The following MRC2 variants were observed in gnomAD, a reference collection of about 807,000 sequenced individuals.
MRC2 encodes the protein C-type mannose receptor 2.
In MRC2, 84 loss-of-function variants were observed where a neutral mutation model predicts 206.2. The ratio of observed to expected loss-of-function variants is 0.41; its 90% CI spans 0.34 to 0.49. MRC2 has a LOEUF of 0.49. MRC2 is among the 20% of genes least tolerant of loss of function. MRC2 has a pLI of 0.31. For missense variants in MRC2, 1,676 were observed against 2,001.5 expected, an observed-to-expected ratio of 0.84 and a Z score of 3.10; for synonymous variants, 798 against 800.0, an observed-to-expected ratio of 1.00 and a Z score of 0.04.
At chr17:62,640,275 T>G (rs2147435776) in intron 1 of MRC2, among the ~76,000 whole-genome samples, 1 of 152,236 alleles carries the variant, frequency 6.6e-6, no homozygotes, top group Non-Finnish European at 1.5e-5. Flanking sequence ...ATCTGTCCGT[T>G]TATTCATTCA....
intron 1 of MRC2, among the ~76,000 whole-genome samples, chr17:62,634,830 CTT>C (rs773204542): frequency 1.6e-4 from 23 of 140,482 alleles, no homozygotes; most frequent in Admixed American, 2.2e-4. Context: ...TCTGATACAA[CTT>C]TTTTTTTTTT....
rs980475654 is a variant in MRC2 at position 62,645,987 on chromosome 17, C to T, written c.118+18067C>T. Among the ~76,000 whole-genome samples, 2 of 150,932 alleles carry T rather than the reference C, an allele frequency of 1.3e-5. 1 individual carries two copies. Reference sequence around the variant, plus strand: ...GTGTGAGTGGACCATAACTTATCCCCTATTGGACATTTAGGTCATTTCTCT... The same window carrying T: ...GTGTGAGTGGACCATAACTTATCCCTTATTGGACATTTAGGTCATTTCTCT... On this transcript the variant is annotated intron_variant, in intron 1 of 29. Coordinates refer to ENST00000303375, the MANE Select transcript of MRC2 (RefSeq NM_006039.5).
chr17:62,659,368 C>A (rs539070723), intron 1 of MRC2, among the ~76,000 whole-genome samples: 1 of 152,116 alleles, frequency 6.6e-6, no homozygotes, highest in African/African-American at 2.4e-5. Flanking sequence ...GGTGAAACTG[C>A]GTCTGTACTA....
intron 1 of MRC2, among the ~76,000 whole-genome samples, chr17:62,662,858 G>A (rs1019545873): frequency 1.3e-5 from 2 of 152,000 alleles, no homozygotes; most frequent in Admixed American, 1.3e-4. Context: ...GCAGTGAGCC[G>A]AGATCGAGCC....
At chr17:62,647,431 C>G (rs2088503826) in intron 1 of MRC2, among the ~76,000 whole-genome samples, 1 of 151,782 alleles carries the variant, frequency 6.6e-6, no homozygotes, top group Admixed American at 6.6e-5. Context: ...GTGATCCACC[C>G]GCCTCGGCCT....
At position 62,676,537 on chromosome 17, in the gene MRC2, C is replaced by T. The variant is rs768651913; in HGVS notation, c.1834+6C>T. 1 of 1,576,538 alleles carries T rather than the reference C, an allele frequency of 6.3e-7. No individual in the cohort carries two copies. On this transcript the variant is annotated splice_donor_region_variant and intron_variant, in intron 11 of 29. Coordinates refer to ENST00000303375, the MANE Select transcript of MRC2 (RefSeq NM_006039.5). Reference sequence around the variant, plus strand: ...CTGGAACCGGGACCAGCCCGGTGAGCCCCTTATTTGACTTGCCTTGGTGAA... The same window carrying T: ...CTGGAACCGGGACCAGCCCGGTGAGTCCCTTATTTGACTTGCCTTGGTGAA...
At chr17:62,646,786 T>C (rs2088491988) in intron 1 of MRC2, among the ~76,000 whole-genome samples, 1 of 152,234 alleles carries the variant, frequency 6.6e-6, no homozygotes, top group African/African-American at 2.4e-5. Context: ...GGGTTAAGTT[T>C]GAAACAAAGG....
At position 62,667,254 on chromosome 17, in the gene MRC2, A is replaced by G; in HGVS notation, c.974-136A>G. ...ACCCCGTGGTCTGGGGCGGAGCTGG[A>G]GCTGAGCACCAGGCTTCCCGAACTG... On this transcript the variant is annotated intron_variant, in intron 5 of 29. Coordinates refer to ENST00000303375, the MANE Select transcript of MRC2 (RefSeq NM_006039.5). This position sits in a 1 kb window ranked among gnomAD's most constrained non-coding sequence, Gnocchi z 4.1. The G allele has an allele frequency of 8.6e-7, 1 of 1,169,404 alleles. No individual in the cohort carries two copies. The highest frequency in any genetic ancestry group is 1.2e-6 in the Non-Finnish European group (1 of 852,008). The allele number at this position is 1,169,404 out of a possible 1,614,324, so 72.4% of individuals were successfully genotyped here.
At position 62,692,583 on chromosome 17, in the gene MRC2, G is replaced by A. The variant is rs141743789; in HGVS notation, c.*132G>A. 142 of 947,312 alleles carry A rather than the reference G, an allele frequency of 1.5e-4. 1 individual carries two copies. The African/African-American group carries it at 1.7e-3, about 11-fold the overall frequency. 58.7% of individuals were successfully genotyped at this position (947,312 alleles called of 1,614,324 possible). A position where few individuals can be genotyped will look rare whatever the true frequency, so the allele number is the denominator to read the frequency against. On this transcript the variant is annotated 3_prime_UTR_variant, in exon 30 of 30. Transcript: ENST00000303375. This position sits in a 1 kb window ranked among gnomAD's most constrained non-coding sequence, Gnocchi z 4.2. ...CCCTTGGGAGTCGCTGTTGGGAGCC[G>A]GAGCTGGGCAGAGCCTGGGCTGGTG...
rs117699347 is a variant in MRC2 at position 62,635,608 on chromosome 17, C to A, written c.118+7688C>A. 8.8e-4 allele frequency among the ~76,000 whole-genome samples: 134 copies of A among 152,162 alleles called. 2 individuals carry two copies. The East Asian group carries it at 0.022, about 25-fold the overall frequency. On this transcript the variant is annotated intron_variant, in intron 1 of 29. Transcript: ENST00000303375. ...CTCCCTAATTACTAAATTAAGTGAC[C>A]TTTCTTAGGCCTCACCTTGCAGCAT... is the stretch of plus-strand genomic sequence containing the variant.
At chr17:62,644,787 C>A (rs1364383710) in intron 1 of MRC2, among the ~76,000 whole-genome samples, 1 of 152,118 alleles carries the variant, frequency 6.6e-6, no homozygotes, top group African/African-American at 2.4e-5. Context: ...CATAGGATTC[C>A]TCCACGCTGG....
Position 62,672,286 on chromosome 17 carries a change from C to T in MRC2, c.1461+134C>T, listed in dbSNP as rs547764899. On this transcript the variant is annotated intron_variant, in intron 8 of 29. Coordinates refer to ENST00000303375, the MANE Select transcript of MRC2 (RefSeq NM_006039.5). This position sits in a 1 kb window ranked among gnomAD's most constrained non-coding sequence, Gnocchi z 4.5. The stretch of plus-strand genomic sequence containing the variant: ...CTTACCTCTCAGCAGTCCCCCTCCT[C>T]CCCACCAATGCCTTCCCTTCCATGT... The T allele has an allele frequency of 2.9e-5, 29 of 1,004,268 alleles. No individual in the cohort carries two copies. In the African/African-American group the frequency reaches 4.2e-4, roughly 14 times the overall value. The allele number at this position is 1,004,268 out of a possible 1,614,324, so 62.2% of individuals were successfully genotyped here.
Position 62,689,645 on chromosome 17 carries a change from G to A in MRC2, c.3458G>A (p.Cys1153Tyr). The change falls in exon 24 of 30, where the codon TGT (cysteine) becomes TAT (tyrosine). Residue 1153 changes from cysteine (C) to tyrosine (Y), a missense_variant. Cys to Tyr is a radical substitution (Grantham distance 194). Around this residue, in one of 3 missense-constraint regions of MRC2, gnomAD observed 1,354 missense variants for 1,636.6 expected, o/e 0.83. Transcript: ENST00000303375. ...PLRWHDALLL[C>Y]ESRNASLAYV... Reference sequence around the variant, plus strand: ...CGCTGGCACGATGCCCTCCTGCTGTGTGAGAGCCGCAATGCCAGCCTGGCC... The same window carrying A: ...CGCTGGCACGATGCCCTCCTGCTGTATGAGAGCCGCAATGCCAGCCTGGCC... 5 of 1,600,500 alleles carry A rather than the reference G, an allele frequency of 3.1e-6. No individual in the cohort carries two copies. Among genetic ancestry groups the A allele is most frequent in the Non-Finnish European group, 4.3e-6 (5 of 1,173,852 alleles).
chr17:62,630,294 AC>A (rs1233132841), intron 1 of MRC2, among the ~76,000 whole-genome samples: 1 of 152,152 alleles, frequency 6.6e-6, no homozygotes, highest in Non-Finnish European at 1.5e-5. Flanking sequence ...TTTGATAACA[AC>A]CCAAGGAGAT....
Position 62,686,651 on chromosome 17 carries a change from C to A in MRC2, c.2947-1638C>A, listed in dbSNP as rs191841860. 3.7e-3 allele frequency among the ~76,000 whole-genome samples: 571 copies of A among 152,310 alleles called. 5 individuals carry two copies. Among genetic ancestry groups the A allele is most frequent in the African/African-American group, 0.013 (547 of 41,568 alleles). ...GGCAGGGCCACTAGCACCTGCCATA[C>A]CCCTTAATACACTTGCACATGGCAG... On this transcript the variant is annotated intron_variant, in intron 20 of 29. Coordinates refer to ENST00000303375, the MANE Select transcript of MRC2 (RefSeq NM_006039.5).
chr17:62,690,839 G>T, intron 27 of MRC2, 78 bp downstream of exon 27: 1 of 1,505,252 alleles, frequency 6.6e-7, no homozygotes. Flanking sequence ...CCTGAGCCTT[G>T]TCCTGGGGCT....
At position 62,655,964 on chromosome 17, in the gene MRC2, A is replaced by G. The variant is rs1461888537; in HGVS notation, c.119-8584A>G. Among the ~76,000 whole-genome samples, 29 of 151,998 alleles carry G rather than the reference A, an allele frequency of 1.9e-4. 1 individual carries two copies. The highest frequency in any genetic ancestry group is 1.9e-3 in the Admixed American group (29 of 15,248). On this transcript the variant is annotated intron_variant, in intron 1 of 29. Transcript: ENST00000303375. ...GAATGCAGTGGCGTGATTATAGCTC[A>G]CTACTGCCTCAGACTCCTCGGCTCA...
intron 1 of MRC2, among the ~76,000 whole-genome samples, chr17:62,639,861 CT>C (rs901780738): frequency 2.7e-5 from 4 of 149,948 alleles, no homozygotes; most frequent in Non-Finnish European, 4.5e-5. Context: ...GCTAATGATT[CT>C]TTTTTTTTGA....
chr17:62,650,477 C>T (rs1050219102), intron 1 of MRC2, among the ~76,000 whole-genome samples: 24 of 152,242 alleles, frequency 1.6e-4, no homozygotes, highest in African/African-American at 5.8e-4. Flanking sequence ...AAGCCAAACA[C>T]AACTTGCCTG....
Sources: allele counts gnomAD v4.1 joint callset (sites outside exome capture counted in the v4.1 genomes callset), GRCh38; gene constraint gnomAD v4.1.1; regional missense constraint gnomAD v4.1.1; non-coding constraint Gnocchi (gnomAD v3.1); transcripts MANE v1.5; gene names NCBI Gene and HGNC (gene_info 2026-07-23, HGNC 2026-07-21).